ODF4: variants seen among roughly 807,000 people sequenced by gnomAD.
ODF4 encodes outer dense fiber of sperm tails 4, also known as outer dense fiber protein 4.
A neutral mutation model predicts 17.0 loss-of-function variants in ODF4; 11 were observed. The ratio of observed to expected loss-of-function variants is 0.65; its 90% CI spans 0.41 to 1.07. The LOEUF (loss-of-function observed/expected upper bound fraction) is 1.07. Ranked by LOEUF, ODF4 falls within the 50% of genes least tolerant of loss-of-function variation. The pLI is 0.00. For missense variants in ODF4, 281 were observed against 310.2 expected, an observed-to-expected ratio of 0.91 and a Z score of 0.71; for synonymous variants, 127 against 121.8, an observed-to-expected ratio of 1.04 and a Z score of -0.28.
rs1200210497 is a variant in ODF4 at position 8,345,666 on chromosome 17, AGCGATCCTTT to A, written c.591_600del (p.Ile198ThrfsTer10). The A allele has an allele frequency of 6.2e-7, 1 of 1,613,594 alleles. No homozygotes were observed. The highest frequency in any genetic ancestry group is 8.5e-7 in the Non-Finnish European group (1 of 1,179,728). On this transcript the variant is annotated splice_acceptor_variant and coding_sequence_variant, in exon 3 of 3. Coordinates refer to ENST00000328248, the MANE Select transcript of ODF4 (RefSeq NM_153007.5). LOFTEE classifies it high-confidence loss of function. This position sits in a 1 kb window ranked among gnomAD's most constrained non-coding sequence, Gnocchi z 4.1. ...CTCTCCCCTGTCCCTGTCCTTTCCC[AGCGATCCTTT>A]GCTACTTCAACCATAAAAGTTTCTG...
rs1436676131 is a variant in ODF4 at position 8,340,314 on chromosome 17, G to T, written c.263G>T (p.Ser88Ile). 6 of 1,613,184 alleles carry T rather than the reference G, an allele frequency of 3.7e-6. No individual in the cohort carries two copies. The Middle Eastern group carries it at 4.9e-4, about 133-fold the overall frequency. The change falls in exon 1 of 3, where the codon AGC becomes ATC. Residue 88 changes from serine (S) to isoleucine (I), a missense_variant. Coordinates refer to ENST00000328248, the MANE Select transcript of ODF4 (RefSeq NM_153007.5). ...WMAQVLASEL[S>I]LVAFILLLVV... ...GCCCAGGTGTTGGCCTCTGAGCTCAGCCTGGTTGCCTTTATCCTACTATTG... is the reference window on the plus strand; with the variant it reads ...GCCCAGGTGTTGGCCTCTGAGCTCATCCTGGTTGCCTTTATCCTACTATTG...
rs1033981693 is a variant in ODF4, at chr17:8,345,137, G to C, written c.455-206G>C. 2.5e-6 allele frequency: 2 copies of C among 798,050 alleles called. No homozygotes were observed. Among genetic ancestry groups the C allele is most frequent in the African/African-American group, 3.5e-5 (2 of 57,504 alleles). The allele number at this position is 798,050 out of a possible 1,614,324, so 49.4% of individuals were successfully genotyped here. ...TTTGGGGGTGGTATGAGGGTTTTGT[G>C]GGTGGTGGGAGAACAGAACCGAGAA... On this transcript the variant is annotated intron_variant, in intron 1 of 2. Transcript: ENST00000328248. The surrounding 1 kb of genome is among the most constrained non-coding windows in gnomAD (Gnocchi z 4.1).
Position 8,340,405 on chromosome 17 carries a change from G to A in ODF4, c.354G>A (p.Val118=). The A allele has an allele frequency of 1.2e-6, 2 of 1,613,774 alleles. No homozygotes were observed. The highest frequency in any genetic ancestry group is 1.7e-6 in the Non-Finnish European group (2 of 1,179,726). ...GCCTCTTCTACCAGCGCTGGCCCGT[G>A]GATGTCAGCAACAGAATCCACACAT... ...SRSLFYQRWP[V]DVSNRIHTSA... Residue 118 remains valine (V), a synonymous_variant, in exon 1 of 3, where the codon GTG becomes GTA. Transcript: ENST00000328248.
intron 1 of ODF4, among the ~76,000 whole-genome samples, chr17:8,342,660 G>C (rs1906071264): frequency 6.6e-6 from 1 of 152,160 alleles, no homozygotes; most frequent in Non-Finnish European, 1.5e-5. Flanking sequence ...TTATCTCTTA[G>C]TATCCAGTCT....
chr17:8,342,547 G>A (rs542101985), intron 1 of ODF4, among the ~76,000 whole-genome samples: 9 of 152,062 alleles, frequency 5.9e-5, no homozygotes, highest in African/African-American at 9.7e-5. Context: ...CACCGCATCC[G>A]GCCAAACATC....
Position 8,345,808 on chromosome 17 carries a change from C to T in ODF4, c.730C>T (p.Gln244Ter). ...AQTITDTPITQEGVLDPEQKD... is the reference protein window; with the variant it reads ...AQTITDTPIT ...GACGATCACAGACACCCCCATCACC[C>T]AGGAGGGAGTCCTGGATCCTGAGCA... Residue 244 changes from glutamine to a stop codon, truncating the protein, a stop_gained, in exon 3 of 3, where the codon CAG becomes TAG. Coordinates refer to ENST00000328248, the MANE Select transcript of ODF4 (RefSeq NM_153007.5). LOFTEE classifies it low-confidence loss of function (END_TRUNC). The surrounding 1 kb of genome is among the most constrained non-coding windows in gnomAD (Gnocchi z 4.1). 1.9e-6 allele frequency: 3 copies of T among 1,614,134 alleles called. No homozygotes were observed. The highest frequency in any genetic ancestry group is 1.7e-6 in the Non-Finnish European group (2 of 1,179,992).
In ODF4 at chr17:8,345,658, C is replaced by A; in HGVS notation, c.590-10C>A. 6.2e-7 allele frequency: 1 copy of A among 1,613,148 alleles called. No homozygotes were observed. Among genetic ancestry groups the A allele is most frequent in the East Asian group, 2.2e-5 (1 of 44,874 alleles). The stretch of plus-strand genomic sequence containing the variant: ...CAACTTTCCTCTCCCCTGTCCCTGT[C>A]CTTTCCCAGCGATCCTTTGCTACTT... On this transcript the variant is annotated splice_polypyrimidine_tract_variant and intron_variant, in intron 2 of 2. Transcript: ENST00000328248. The surrounding 1 kb of genome is among the most constrained non-coding windows in gnomAD (Gnocchi z 4.1).
chr17:8,340,396 C>A lies in ODF4; in HGVS notation c.345C>A (p.Arg115=), dbSNP rs1431923387. Residue 115 remains arginine (R), a synonymous_variant, in exon 1 of 3, where the codon CGC becomes CGA. Coordinates refer to ENST00000328248, the MANE Select transcript of ODF4 (RefSeq NM_153007.5). ...TCTCTAGGAGCCTCTTCTACCAGCG[C>A]TGGCCCGTGGATGTCAGCAACAGAA... ...LDLSRSLFYQ[R]WPVDVSNRIH... is the part of the protein sequence containing the mutation. 3 of 1,613,692 alleles carry A rather than the reference C, an allele frequency of 1.9e-6. No individual in the cohort carries two copies. The African/African-American group carries it at 4.0e-5, about 22-fold the overall frequency.
Position 8,345,585 on chromosome 17 carries a change from T to G in ODF4, c.590-83T>G, listed in dbSNP as rs938254401. On this transcript the variant is annotated intron_variant, in intron 2 of 2. Coordinates refer to ENST00000328248, the MANE Select transcript of ODF4 (RefSeq NM_153007.5). This position sits in a 1 kb window ranked among gnomAD's most constrained non-coding sequence, Gnocchi z 4.1. ...TCCCCAGGGCTAGATTTTTAGGGTC[T>G]TATCTTCCCTTTGGTCTCACCCTAC... 2 of 1,525,800 alleles carry G rather than the reference T, an allele frequency of 1.3e-6. No individual in the cohort carries two copies. The highest frequency in any genetic ancestry group is 2.7e-5 in the African/African-American group (2 of 72,938). 94.5% of individuals were successfully genotyped at this position (1,525,800 alleles called of 1,614,324 possible). A position where few individuals can be genotyped will look rare whatever the true frequency, so the allele number is the denominator to read the frequency against.
chr17:8,341,115 G>A lies in ODF4; in HGVS notation c.454+610G>A, dbSNP rs111367131. Among the ~76,000 whole-genome samples the A allele has an allele frequency of 3.6e-3, 552 of 152,092 alleles. 3 individuals carry two copies. Among genetic ancestry groups the A allele is most frequent in the African/African-American group, 0.013 (525 of 41,512 alleles). On this transcript the variant is annotated intron_variant, in intron 1 of 2. Coordinates refer to ENST00000328248, the MANE Select transcript of ODF4 (RefSeq NM_153007.5). ...TGAGGCAGGAGAATTGCTTGAACCC[G>A]GGAGGTGGAGGTTGCGGTGAGCCGA... is the stretch of plus-strand genomic sequence containing the variant.
At position 8,345,882 on chromosome 17, in the gene ODF4, G is replaced by C; in HGVS notation, c.*30G>C. The C allele has an allele frequency of 6.3e-7, 1 of 1,594,318 alleles. No individual in the cohort carries two copies. Among genetic ancestry groups the C allele is most frequent in the Non-Finnish European group, 8.6e-7 (1 of 1,163,252 alleles). On this transcript the variant is annotated 3_prime_UTR_variant, in exon 3 of 3. Coordinates refer to ENST00000328248, the MANE Select transcript of ODF4 (RefSeq NM_153007.5). This position sits in a 1 kb window ranked among gnomAD's most constrained non-coding sequence, Gnocchi z 4.1. The stretch of plus-strand genomic sequence containing the variant: ...TTCTGAACTCCTGGCACCAAGTTCT[G>C]TCCATTCATCTGACCCCATCTCCTC...
chr17:8,342,294 G>C (rs571190307), intron 1 of ODF4, among the ~76,000 whole-genome samples: 38 of 152,164 alleles, frequency 2.5e-4, no homozygotes, highest in African/African-American at 8.9e-4. Flanking sequence ...GCCCAGGCTG[G>C]AATGCAGTTG....
In ODF4 at chr17:8,345,567, G is replaced by A; in HGVS notation, c.589+90G>A. The stretch of plus-strand genomic sequence containing the variant: ...GAGGGAAGAGGCTGGCAATCCCCAG[G>A]GCTAGATTTTTAGGGTCTTATCTTC... On this transcript the variant is annotated intron_variant, in intron 2 of 2. Coordinates refer to ENST00000328248, the MANE Select transcript of ODF4 (RefSeq NM_153007.5). This position sits in a 1 kb window ranked among gnomAD's most constrained non-coding sequence, Gnocchi z 4.1. 1 of 1,547,116 alleles carries A rather than the reference G, an allele frequency of 6.5e-7. No individual in the cohort carries two copies. Among genetic ancestry groups the A allele is most frequent in the Admixed American group, 1.7e-5 (1 of 57,774 alleles).
chr17:8,340,377 G>A lies in ODF4; in HGVS notation c.326G>A (p.Arg109Lys), dbSNP rs1207019461. The change falls in exon 1 of 3, where the codon AGG becomes AAG. Residue 109 changes from arginine to lysine, a missense_variant. Transcript: ENST00000328248. The stretch of plus-strand genomic sequence containing the variant: ...TCCAAGAAATGGCTGGACCTCTCTA[G>A]GAGCCTCTTCTACCAGCGCTGGCCC... ...AFSKKWLDLS[R>K]SLFYQRWPVD... 1.2e-6 allele frequency: 2 copies of A among 1,613,456 alleles called. No homozygotes were observed. The highest frequency in any genetic ancestry group is 2.7e-5 in the African/African-American group (2 of 75,030).
rs903830989 is a variant in ODF4, at chr17:8,343,617, T to C, written c.455-1726T>C. Among the ~76,000 whole-genome samples the C allele has an allele frequency of 2.4e-5, 3 of 127,598 alleles. 1 individual carries two copies. The highest frequency in any genetic ancestry group is 5.0e-5 in the Non-Finnish European group (3 of 59,612). The allele number at this position is 127,598 out of a possible 152,430, so 83.7% of individuals were successfully genotyped here. A position where few individuals can be genotyped will look rare whatever the true frequency, so the allele number is the denominator to read the frequency against. On this transcript the variant is annotated intron_variant, in intron 1 of 2. Transcript: ENST00000328248. ...ACCAGGAGCGTATGAGAGGACCTCT[T>C]TTCTCTACATACTCTCCTATACTAG...
rs368098517 is a variant in ODF4, at chr17:8,345,640, C to T, written c.590-28C>T. 1.0e-5 allele frequency: 16 copies of T among 1,603,788 alleles called. No individual in the cohort carries two copies. In the African/African-American group the frequency reaches 1.5e-4, roughly 15 times the overall value. ...CACTTAACCTCCCAGTCACAACTTTCCTCTCCCCTGTCCCTGTCCTTTCCC... is the reference window on the plus strand; with the variant it reads ...CACTTAACCTCCCAGTCACAACTTTTCTCTCCCCTGTCCCTGTCCTTTCCC... On this transcript the variant is annotated intron_variant, in intron 2 of 2. Transcript: ENST00000328248. The surrounding 1 kb of genome is among the most constrained non-coding windows in gnomAD (Gnocchi z 4.1).
At chr17:8,342,356 C>T (rs1014149574) in intron 1 of ODF4, among the ~76,000 whole-genome samples, 1 of 152,146 alleles carries the variant, frequency 6.6e-6, no homozygotes, top group African/African-American at 2.4e-5. Flanking sequence ...GATTATCCTG[C>T]CTCAGCCTCC....
chr17:8,340,671 T>C (rs1905976114), intron 1 of ODF4, among the ~76,000 whole-genome samples, 166 bp downstream of exon 1: 1 of 152,164 alleles, frequency 6.6e-6, no homozygotes, highest in Non-Finnish European at 1.5e-5. Context: ...TCTCATCCTG[T>C]AGCCTGGCTA....
intron 1 of ODF4, among the ~76,000 whole-genome samples, chr17:8,342,549 C>A (rs1729870581): frequency 1.3e-5 from 2 of 152,138 alleles, no homozygotes; most frequent in Admixed American, 1.3e-4. Flanking sequence ...CCGCATCCGG[C>A]CAAACATCAC....
Sources: allele counts gnomAD v4.1 joint callset (sites outside exome capture counted in the v4.1 genomes callset), GRCh38; gene constraint gnomAD v4.1.1; non-coding constraint Gnocchi (gnomAD v3.1); transcripts MANE v1.5; gene names NCBI Gene and HGNC (gene_info 2026-07-23, HGNC 2026-07-21).